Variants in STXBP4 observed in about 807,000 individuals in gnomAD.
The protein encoded by STXBP4 is syntaxin-binding protein 4.
A neutral mutation model predicts 76.1 loss-of-function variants in STXBP4; 55 were observed. The observed-to-expected ratio is 0.72, with a 90% CI of 0.58 to 0.91. The LOEUF is 0.91. Among genes scored for constraint, STXBP4 ranks in the 40% least tolerant of loss-of-function variants. The probability of loss-of-function intolerance (pLI) is 0.00; values close to 1 mark genes in which losing one functional copy is unlikely to be tolerated. For synonymous variants in STXBP4, 201 were observed against 220.2 expected (o/e 0.91, Z 0.77); for missense variants, 618 against 636.9 (o/e 0.97, Z 0.32).
At chr17:55,078,796 A>G (rs1033267212) in intron 15 of STXBP4, 61 bp downstream of exon 15, 5 of 925,192 alleles carry the variant, frequency 5.4e-6, no homozygotes, top group South Asian at 4.2e-5. Context: ...TCATCTGGTC[A>G]TTGTGACTCA....
chr17:55,153,816 G>A (rs1293237175), intron 17 of STXBP4, among the ~76,000 whole-genome samples: 1 of 152,156 alleles, frequency 6.6e-6, no homozygotes, highest in African/African-American at 2.4e-5. Flanking sequence ...GTTAAATTTA[G>A]TATTCGTTAA....
the STXBP4 span, among the ~76,000 whole-genome samples, chr17:55,210,620 A>G: frequency 2.9e-3 from 442 of 152,364 alleles, 3 homozygotes; most frequent in African/African-American, 0.01. Context: ...AGAAAGATGA[A>G]ACTGATTCTT....
intron 10 of STXBP4, among the ~76,000 whole-genome samples, chr17:55,034,470 A>G (rs954570728): frequency 1.3e-5 from 2 of 152,072 alleles, no homozygotes; most frequent in Non-Finnish European, 1.5e-5. Context: ...CTACTATCAC[A>G]CCTAAGTTTA....
In STXBP4 at chr17:55,162,094, A is replaced by T. The variant is rs777441146; in HGVS notation, c.*2183A>T. On this transcript the variant is annotated 3_prime_UTR_variant, in exon 18 of 18. Coordinates refer to ENST00000376352, the MANE Select transcript of STXBP4 (RefSeq NM_178509.6). Reference sequence around the variant, plus strand: ...ACTATCCCAGCAATCTGAATTCCTTACTTGGGGAATGTTGCTGAGGAGGTT... The same window carrying T: ...ACTATCCCAGCAATCTGAATTCCTTTCTTGGGGAATGTTGCTGAGGAGGTT... The T allele has an allele frequency of 2.0e-5, 3 of 152,212 alleles. No homozygotes were observed. Among genetic ancestry groups the T allele is most frequent in the Non-Finnish European group, 2.9e-5 (2 of 68,030 alleles). 9.4% of individuals were successfully genotyped at this position (152,212 alleles called of 1,614,324 possible).
chr17:55,031,960 C>T (rs748856450), intron 9 of STXBP4, among the ~76,000 whole-genome samples: 3 of 152,136 alleles, frequency 2.0e-5, no homozygotes, highest in Non-Finnish European at 2.9e-5. Context: ...TTAAGCCTTT[C>T]TACTATTGTG....
the STXBP4 span, among the ~76,000 whole-genome samples, chr17:55,208,612 G>GGAAGGAAGGAAGGAA: frequency 4.8e-5 from 1 of 20,626 alleles, no homozygotes; most frequent in South Asian, 2.3e-3. Flanking sequence ...GAAGGAAAGA[G>GGAAGGAAGGAAGGAA]AGAGGGAGGG....
At position 55,164,205 on chromosome 17, in the gene STXBP4, T is replaced by A. The variant is rs1449663374; in HGVS notation, c.*4294T>A. On this transcript the variant is annotated 3_prime_UTR_variant, in exon 18 of 18. Coordinates refer to ENST00000376352, the MANE Select transcript of STXBP4 (RefSeq NM_178509.6). ...AACTACAACTGTCTACATGTAATAG[T>A]GTGTCTGCATAATGACTTTGTAAAT... The A allele has an allele frequency of 6.6e-6, 1 of 152,230 alleles. No homozygotes were observed. Among genetic ancestry groups the A allele is most frequent in the Non-Finnish European group, 1.5e-5 (1 of 68,048 alleles). 9.4% of individuals were successfully genotyped at this position (152,230 alleles called of 1,614,324 possible). A position where few individuals can be genotyped will look rare whatever the true frequency, so the allele number is the denominator to read the frequency against.
intron 1 of STXBP4, among the ~76,000 whole-genome samples, chr17:54,978,342 T>TATGTGTACTATGTA (rs1567868268): frequency 6.6e-6 from 1 of 151,294 alleles, no homozygotes; most frequent in African/African-American, 2.4e-5. Context: ...AAACATGAAA[T>TATGTGTACTATGTA]ATATGTACTA....
At chr17:55,212,415 T>C in the STXBP4 span, among the ~76,000 whole-genome samples, 4 of 152,220 alleles carry the variant, frequency 2.6e-5, no homozygotes, top group South Asian at 6.2e-4. Flanking sequence ...AGGTTATAGA[T>C]TATAAGCGCT....
chr17:55,107,066 G>A (rs1162127289), intron 16 of STXBP4, among the ~76,000 whole-genome samples: 1 of 152,110 alleles, frequency 6.6e-6, no homozygotes, highest in Non-Finnish European at 1.5e-5. Context: ...TCACTTTCAG[G>A]TACACCAATC....
intron 10 of STXBP4, among the ~76,000 whole-genome samples, chr17:55,034,970 C>G (rs890883647): frequency 6.6e-6 from 1 of 151,934 alleles, no homozygotes; most frequent in Admixed American, 6.6e-5. Flanking sequence ...GGACCTCCTT[C>G]TTAATTTATG....
intron 3 of STXBP4, 119 bp from the exon 4 acceptor site, chr17:54,990,706 C>T: frequency 8.0e-7 from 1 of 1,249,268 alleles, no homozygotes; most frequent in African/African-American, 1.6e-5. Context: ...TCCCTGGTAC[C>T]AAAAAAGGTG....
In STXBP4 at chr17:55,164,953, T is replaced by C. The variant is rs1394459397; in HGVS notation, c.*5042T>C. On this transcript the variant is annotated 3_prime_UTR_variant, in exon 18 of 18. Coordinates refer to ENST00000376352, the MANE Select transcript of STXBP4 (RefSeq NM_178509.6). ...TAGTAGGGATACAATGTGAGATATA[T>C]GTGTTTCTAGCCCTTGTGTAATTCG... is the stretch of plus-strand genomic sequence containing the variant. The C allele has an allele frequency of 6.6e-6, 1 of 152,212 alleles. No homozygotes were observed. The highest frequency in any genetic ancestry group is 1.5e-5 in the Non-Finnish European group (1 of 68,042). The allele number at this position is 152,212 out of a possible 1,614,324, so 9.4% of individuals were successfully genotyped here. A position where few individuals can be genotyped will look rare whatever the true frequency, so the allele number is the denominator to read the frequency against.
the STXBP4 span, among the ~76,000 whole-genome samples, chr17:55,211,973 G>C: frequency 6.6e-6 from 1 of 150,528 alleles, no homozygotes; most frequent in African/African-American, 2.4e-5. Context: ...ACCATGCCCA[G>C]CTAATTTTTG....
At chr17:55,182,313 T>C in the STXBP4 span, among the ~76,000 whole-genome samples, 1 of 152,132 alleles carries the variant, frequency 6.6e-6, no homozygotes, top group African/African-American at 2.4e-5. Context: ...CTAAAAGATA[T>C]AACCAAAATT....
rs545019747 is a variant in STXBP4 at position 55,039,977 on chromosome 17, A to C, written c.856-3259A>C. 3.3e-5 allele frequency among the ~76,000 whole-genome samples: 5 copies of C among 152,238 alleles called. No individual in the cohort carries two copies. The East Asian group carries it at 9.6e-4, about 29-fold the overall frequency. ...TTTGGAGAGTGATAGTTGAGGCATA[A>C]TAGTGAATGTGCTCACTCAAACTTG... On this transcript the variant is annotated intron_variant, in intron 10 of 17. Transcript: ENST00000376352.
Position 55,086,196 on chromosome 17 carries a change from A to G in STXBP4, c.1489+5013A>G, listed in dbSNP as rs371146204. Among the ~76,000 whole-genome samples, 238 of 152,320 alleles carry G rather than the reference A, an allele frequency of 1.6e-3. 7 individuals are homozygous for G. In the South Asian group the frequency reaches 0.045, roughly 29 times the overall value. On this transcript the variant is annotated intron_variant, in intron 16 of 17. Coordinates refer to ENST00000376352, the MANE Select transcript of STXBP4 (RefSeq NM_178509.6). ...CACTTTTTTTTCCCCAATGATACTCAGTAATTTCCAGGCTGGTTATAAATT... is the reference window on the plus strand; with the variant it reads ...CACTTTTTTTTCCCCAATGATACTCGGTAATTTCCAGGCTGGTTATAAATT...
At chr17:54,968,845 A>C in intron 1 of STXBP4, 30 bp downstream of exon 1, 2 of 582,860 alleles carry the variant, frequency 3.4e-6, no homozygotes, top group South Asian at 2.2e-5. Context: ...TGTGACTGTT[A>C]CTCCCACTTC....
At position 55,081,261 on chromosome 17, in the gene STXBP4, G is replaced by A. The variant is rs142781271; in HGVS notation, c.1489+78G>A. 1,101 of 1,209,096 alleles carry A rather than the reference G, an allele frequency of 9.1e-4. 6 individuals are homozygous for A. In the African/African-American group the frequency reaches 0.012, roughly 13 times the overall value. 74.9% of individuals were successfully genotyped at this position (1,209,096 alleles called of 1,614,324 possible). On this transcript the variant is annotated intron_variant, in intron 16 of 17. Coordinates refer to ENST00000376352, the MANE Select transcript of STXBP4 (RefSeq NM_178509.6). Reference sequence around the variant, plus strand: ...AATTGAAGTCAGACAGTTGAATTTCGTTATAGTGGCTTGCCTACAGCAAAG... The same window carrying A: ...AATTGAAGTCAGACAGTTGAATTTCATTATAGTGGCTTGCCTACAGCAAAG...
Sources: allele counts gnomAD v4.1 joint callset (sites outside exome capture counted in the v4.1 genomes callset), GRCh38; gene constraint gnomAD v4.1.1; transcripts MANE v1.5; gene names NCBI Gene and HGNC (gene_info 2026-07-23, HGNC 2026-07-21).